Variants in AKAP6 observed in about 807,000 individuals in gnomAD.
AKAP6 encodes A-kinase anchoring protein 6.
Under a neutral mutation model 188.5 loss-of-function variants are expected in AKAP6, and 58 were observed. That is an observed-to-expected ratio of 0.31 (90% CI 0.25 to 0.38). The LOEUF (loss-of-function observed/expected upper bound fraction) is 0.38. AKAP6 is among the 10% of genes least tolerant of loss of function. AKAP6 has a pLI of 1.00. For synonymous variants in AKAP6, 989 were observed against 998.6 expected (o/e 0.99, Z 0.18); for missense variants, 2,710 against 2,740.0 (o/e 0.99, Z 0.24).
intron 12 of AKAP6, among the ~76,000 whole-genome samples, chr14:32,800,155 T>TATATATACATATATATATAC (rs1566720842): frequency 8.4e-4 from 45 of 53,350 alleles, no homozygotes; most frequent in East Asian, 7.1e-3. Context: ...CATATATACA[T>TATATATACATATATATATAC]ATATATACAC....
intron 1 of AKAP6, among the ~76,000 whole-genome samples, chr14:32,330,110 T>G (rs906573864): frequency 6.6e-6 from 1 of 152,088 alleles, no homozygotes; most frequent in Non-Finnish European, 1.5e-5. Flanking sequence ...CAGGCTGACT[T>G]GTAACTGAGA....
chr14:32,619,151 A>G (rs1886710942), intron 7 of AKAP6, among the ~76,000 whole-genome samples: 2 of 150,816 alleles, frequency 1.3e-5, no homozygotes, highest in South Asian at 4.1e-4. Context: ...TCTGATGATT[A>G]TTTCTTTTGC....
intron 1 of AKAP6, among the ~76,000 whole-genome samples, chr14:32,412,178 A>G (rs936899930): frequency 2.0e-5 from 3 of 152,192 alleles, no homozygotes; most frequent in African/African-American, 7.2e-5. Flanking sequence ...GTAGCATACA[A>G]TTGTCTACCA....
At chr14:32,603,764 C>G (rs1246103954) in intron 7 of AKAP6, among the ~76,000 whole-genome samples, 1 of 152,092 alleles carries the variant, frequency 6.6e-6, no homozygotes, top group African/African-American at 2.4e-5. Context: ...TGCTAAATTT[C>G]ATTCTAATGA....
chr14:32,564,818 A>T (rs953076459), intron 4 of AKAP6, among the ~76,000 whole-genome samples: 1 of 152,202 alleles, frequency 6.6e-6, no homozygotes, highest in Non-Finnish European at 1.5e-5. Context: ...AGCTTGTCAC[A>T]AAGTGGCAGC....
At chr14:32,344,615 A>G (rs1384349156) in intron 1 of AKAP6, among the ~76,000 whole-genome samples, 2 of 152,136 alleles carry the variant, frequency 1.3e-5, no homozygotes, top group Non-Finnish European at 2.9e-5. Context: ...GTGGAGTATA[A>G]GAGTATATAC....
At chr14:32,676,406 A>G (rs1005055217) in intron 7 of AKAP6, among the ~76,000 whole-genome samples, 1 of 152,124 alleles carries the variant, frequency 6.6e-6, no homozygotes, top group African/African-American at 2.4e-5. Flanking sequence ...CAAACCTCTT[A>G]GTTGGCAGTC....
chr14:32,674,420 G>T (rs1889342967), intron 7 of AKAP6, among the ~76,000 whole-genome samples: 1 of 152,186 alleles, frequency 6.6e-6, no homozygotes, highest in South Asian at 2.1e-4. Context: ...GCAGGTGAAA[G>T]ATTATGAAAG....
At chr14:32,573,499 T>A (rs1260582467) in intron 4 of AKAP6, among the ~76,000 whole-genome samples, 1 of 152,178 alleles carries the variant, frequency 6.6e-6, no homozygotes, top group Non-Finnish European at 1.5e-5. Context: ...CAACTCTTTA[T>A]TTATTGTAAT....
In AKAP6 at chr14:32,824,205, A is replaced by G. The variant is rs750586329; in HGVS notation, c.6392A>G (p.Glu2131Gly). 9 of 1,613,842 alleles carry G rather than the reference A, an allele frequency of 5.6e-6. No homozygotes were observed. Among genetic ancestry groups the G allele is most frequent in the Non-Finnish European group, 7.6e-6 (9 of 1,179,954 alleles). The change falls in exon 13 of 14, where the codon GAG (glutamate) becomes GGG (glycine). Residue 2131 changes from glutamate to glycine, a missense_variant. Physicochemically the swap from Glu to Gly is moderately conservative, Grantham distance 98. This residue lies in a region of AKAP6 where 2,473 missense variants were observed against 2,426.1 expected (regional missense o/e 1.02). Coordinates refer to ENST00000280979, the MANE Select transcript of AKAP6 (RefSeq NM_004274.5). The stretch of plus-strand genomic sequence containing the variant: ...GGGGAGGTCACCAATTACATAGAAG[A>G]GAAAAGCAGCACTCCATTGCCACTA... Reference protein sequence around the residue: ...DCGEVTNYIEEKSSTPLPLDT... With the variant: ...DCGEVTNYIEGKSSTPLPLDT...
intron 2 of AKAP6, among the ~76,000 whole-genome samples, chr14:32,531,532 T>C (rs992099230): frequency 8.5e-5 from 13 of 152,212 alleles, no homozygotes; most frequent in Admixed American, 5.2e-4. Flanking sequence ...GTTGACTTTC[T>C]TTTTGGTGTA....
chr14:32,678,743 A>G (rs1889546509), intron 8 of AKAP6, among the ~76,000 whole-genome samples: 1 of 152,118 alleles, frequency 6.6e-6, no homozygotes, highest in Non-Finnish European at 1.5e-5. Context: ...TTTAGTATTG[A>G]TCTGTCTTCT....
chr14:32,407,975 G>C (rs1889352908), intron 1 of AKAP6, among the ~76,000 whole-genome samples: 1 of 152,216 alleles, frequency 6.6e-6, no homozygotes, highest in Non-Finnish European at 1.5e-5. Context: ...ATTGCCAGAT[G>C]ATGTGCAGAA....
chr14:32,639,342 G>A (rs899778071), intron 7 of AKAP6, among the ~76,000 whole-genome samples: 1 of 152,098 alleles, frequency 6.6e-6, no homozygotes, highest in Non-Finnish European at 1.5e-5. Context: ...TTAGAGGAAG[G>A]ATGCTATAGC....
rs200190892 is a variant in AKAP6, at chr14:32,732,633, T to C, written c.3147+33T>C. ...CATTTTTATTACTGTTTGTAGGTTA[T>C]GTGTACATTTTTTGCGTAGTGAAGT... On this transcript the variant is annotated intron_variant, in intron 10 of 13. Coordinates refer to ENST00000280979, the MANE Select transcript of AKAP6 (RefSeq NM_004274.5). 6.8e-6 allele frequency: 11 copies of C among 1,609,870 alleles called. No individual in the cohort carries two copies. In the East Asian group the frequency reaches 1.3e-4, roughly 20 times the overall value.
At chr14:32,692,064 T>G (rs1890203562) in intron 8 of AKAP6, among the ~76,000 whole-genome samples, 1 of 152,236 alleles carries the variant, frequency 6.6e-6, no homozygotes, top group Admixed American at 6.5e-5. Context: ...AAACAAAATG[T>G]GGTACCAAGG....
chr14:32,632,827 C>T (rs1594798292), intron 7 of AKAP6, among the ~76,000 whole-genome samples: 1 of 152,192 alleles, frequency 6.6e-6, no homozygotes, highest in East Asian at 1.9e-4. Flanking sequence ...TTTCTAAGAA[C>T]ATCATTTTTA....
chr14:32,335,667 T>G (rs920526018), intron 1 of AKAP6, among the ~76,000 whole-genome samples: 4 of 152,150 alleles, frequency 2.6e-5, no homozygotes, highest in African/African-American at 9.7e-5. Flanking sequence ...AAATCAAATC[T>G]TCTTTGCAAA....
chr14:32,808,238 T>C (rs189113187), intron 12 of AKAP6, among the ~76,000 whole-genome samples: 1 of 152,290 alleles, frequency 6.6e-6, no homozygotes, highest in East Asian at 1.9e-4. Flanking sequence ...TCAGAAAGGG[T>C]CAATTGATTT....
Sources: allele counts gnomAD v4.1 joint callset (sites outside exome capture counted in the v4.1 genomes callset), GRCh38; gene constraint gnomAD v4.1.1; regional missense constraint gnomAD v4.1.1; transcripts MANE v1.5; gene names NCBI Gene and HGNC (gene_info 2026-07-23, HGNC 2026-07-21).